The following RGL1 variants were observed in gnomAD, a reference collection of about 807,000 sequenced individuals.
RGL1 encodes the protein ral guanine nucleotide dissociation stimulator-like 1.
In RGL1, 24 loss-of-function variants were observed where a neutral mutation model predicts 95.2. The observed-to-expected ratio is 0.25, with a 90% CI of 0.18 to 0.35. The LOEUF is 0.35. Ranked by LOEUF, RGL1 falls within the 10% of genes least tolerant of loss-of-function variation. RGL1 has a pLI of 1.00. For missense variants in RGL1, 715 were observed against 936.3 expected (o/e 0.76, Z 3.08); for synonymous variants, 329 against 344.9 (o/e 0.95, Z 0.51).
chr1:183,880,845 T>G, intron 5 of RGL1, 45 bp downstream of exon 5: 5 of 1,577,336 alleles, frequency 3.2e-6, no homozygotes, highest in Non-Finnish European at 4.3e-6. Context: ...ATTCTGATTC[T>G]CCAGCCTCCA....
chr1:183,665,048 G>A (rs1651935886), intron 1 of RGL1, among the ~76,000 whole-genome samples: 2 of 152,080 alleles, frequency 1.3e-5, no homozygotes, highest in South Asian at 4.1e-4. Context: ...GAAATTTCCT[G>A]TCTATTCCTA....
chr1:183,723,043 G>A (rs569214630), intron 1 of RGL1, among the ~76,000 whole-genome samples: 26 of 152,126 alleles, frequency 1.7e-4, no homozygotes, highest in African/African-American at 6.3e-4. Flanking sequence ...ATAGCACAAA[G>A]GGCATTGGGG....
chr1:183,694,390 C>A (rs888745494), intron 1 of RGL1, among the ~76,000 whole-genome samples: 3 of 152,214 alleles, frequency 2.0e-5, no homozygotes, highest in Non-Finnish European at 4.4e-5. Context: ...GTTCTTGACC[C>A]ATATTCTTTA....
intron 1 of RGL1, among the ~76,000 whole-genome samples, chr1:183,650,415 C>G (rs763402310): frequency 1.3e-5 from 2 of 151,974 alleles, no homozygotes; most frequent in African/African-American, 4.8e-5. Context: ...TGGTGGCATG[C>G]GCCTGTAGTC....
intron 2 of RGL1, among the ~76,000 whole-genome samples, chr1:183,760,460 G>A (rs930163378): frequency 6.6e-5 from 10 of 151,458 alleles, no homozygotes; most frequent in African/African-American, 1.9e-4. Flanking sequence ...GGCTGAGCAT[G>A]GTGGCTCCCA....
intron 3 of RGL1, among the ~76,000 whole-genome samples, chr1:183,851,900 T>C (rs1422609631): frequency 6.6e-6 from 1 of 152,256 alleles, no homozygotes; most frequent in East Asian, 1.9e-4. Flanking sequence ...GAAGCAATTA[T>C]GTTGTATAAA....
intron 3 of RGL1, among the ~76,000 whole-genome samples, chr1:183,854,229 C>G (rs140806331): frequency 1.6e-4 from 25 of 152,242 alleles, no homozygotes; most frequent in African/African-American, 6.0e-4. Flanking sequence ...TGGCCAGGAT[C>G]TTAGGTGATC....
At chr1:183,788,322 C>A (rs1381514816) in intron 2 of RGL1, among the ~76,000 whole-genome samples, 1 of 152,106 alleles carries the variant, frequency 6.6e-6, no homozygotes, top group Non-Finnish European at 1.5e-5. Context: ...ATGAGATGTC[C>A]CAGCTCAAGC....
chr1:183,830,974 A>G lies in RGL1; in HGVS notation c.139-16592A>G, dbSNP rs368166050. ...ACTTTGTTTTCCATTCATTACCACA[A>G]ATATTTACTGAGCATCCATTATGTA... On this transcript the variant is annotated intron_variant, in intron 2 of 17. Coordinates refer to ENST00000360851, the MANE Select transcript of RGL1 (RefSeq NM_001297671.3). Among the ~76,000 whole-genome samples the G allele has an allele frequency of 2.6e-5, 4 of 152,302 alleles. No individual in the cohort carries two copies. The East Asian group carries it at 7.7e-4, about 29-fold the overall frequency.
At chr1:183,764,194 A>G (rs141956591) in intron 2 of RGL1, among the ~76,000 whole-genome samples, 1 of 152,320 alleles carries the variant, frequency 6.6e-6, no homozygotes, top group East Asian at 1.9e-4. Context: ...CACTGAGATA[A>G]TGAGCATTGC....
At chr1:183,921,159 G>A (rs1669289871) in intron 16 of RGL1, among the ~76,000 whole-genome samples, 1 of 152,186 alleles carries the variant, frequency 6.6e-6, no homozygotes. Context: ...TGGCTGGCAG[G>A]CAGTGAGGTG....
At chr1:183,781,622 T>TGAATGTATATATGTACCC (rs1240592998) in intron 2 of RGL1, among the ~76,000 whole-genome samples, 11 of 152,184 alleles carry the variant, frequency 7.2e-5, no homozygotes, top group Non-Finnish European at 1.3e-4. Context: ...TGCATGTACC[T>TGAATGTATATATGTACCC]GAATGTATAT....
chr1:183,749,499 C>A (rs1380509470), intron 2 of RGL1, among the ~76,000 whole-genome samples: 2 of 152,138 alleles, frequency 1.3e-5, no homozygotes, highest in African/African-American at 2.4e-5. Flanking sequence ...ACCTATAGGT[C>A]CTGACTCTTT....
At chr1:183,743,427 G>T (rs1657435781) in intron 2 of RGL1, among the ~76,000 whole-genome samples, 1 of 152,132 alleles carries the variant, frequency 6.6e-6, no homozygotes. Context: ...CTTTGTCAAT[G>T]GTATTTTGGC....
intron 2 of RGL1, among the ~76,000 whole-genome samples, chr1:183,840,129 ATTC>A (rs1463556311): frequency 1.3e-5 from 2 of 152,200 alleles, no homozygotes; most frequent in African/African-American, 4.8e-5. Context: ...TCTTTGTAGT[ATTC>A]TTCTTTCCCC....
chr1:183,834,660 C>A (rs568200909), intron 2 of RGL1, among the ~76,000 whole-genome samples: 26 of 152,006 alleles, frequency 1.7e-4, no homozygotes, highest in Non-Finnish European at 3.1e-4. Context: ...GAGTTCTTGG[C>A]ACAATGGAGG....
intron 2 of RGL1, among the ~76,000 whole-genome samples, chr1:183,820,568 A>G (rs971308738): frequency 3.9e-5 from 6 of 152,040 alleles, no homozygotes; most frequent in Admixed American, 3.9e-4. Context: ...GCTTCTAGAC[A>G]TCATTGCCAC....
rs897105630 is a variant in RGL1, at chr1:183,647,601, A to C, written c.-33+11100A>C. ...ATCTCCATCTTGGCTCAGCCCTGAGAGAGAAAGTTTCCAGATTTTTATTGC... is the reference window on the plus strand; with the variant it reads ...ATCTCCATCTTGGCTCAGCCCTGAGCGAGAAAGTTTCCAGATTTTTATTGC... On this transcript the variant is annotated intron_variant, in intron 1 of 18. Transcript: ENST00000304685. The C allele has an allele frequency of 5.3e-6, 8 of 1,499,726 alleles. No homozygotes were observed. In the South Asian group the frequency reaches 8.3e-5, roughly 16 times the overall value. 92.9% of individuals were successfully genotyped at this position (1,499,726 alleles called of 1,614,324 possible).
At position 183,847,785 on chromosome 1, in the gene RGL1, A is replaced by G. The variant is rs757136492; in HGVS notation, c.347+11A>G. 17 of 1,608,804 alleles carry G rather than the reference A, an allele frequency of 1.1e-5. No individual in the cohort carries two copies. The South Asian group carries it at 1.3e-4, about 13-fold the overall frequency. On this transcript the variant is annotated intron_variant, in intron 3 of 17. Transcript: ENST00000360851. Reference sequence around the variant, plus strand: ...ACTACTGCTGGACAGGTAAGAATGTAAAGGAGCTTTTGAGTTGAAAGAAAT... The same window carrying G: ...ACTACTGCTGGACAGGTAAGAATGTGAAGGAGCTTTTGAGTTGAAAGAAAT...
Sources: allele counts gnomAD v4.1 joint callset (sites outside exome capture counted in the v4.1 genomes callset), GRCh38; gene constraint gnomAD v4.1.1; transcripts MANE v1.5; gene names NCBI Gene and HGNC (gene_info 2026-07-23, HGNC 2026-07-21).